Variants in SPECC1 observed in about 807,000 individuals in gnomAD.
SPECC1 encodes the protein sperm antigen with calponin homology and coiled-coil domains 1.
In SPECC1, 62 loss-of-function variants were observed where a neutral mutation model predicts 104.1. The observed-to-expected ratio is 0.60, with a 90% CI of 0.49 to 0.74. SPECC1 has a LOEUF of 0.74. Ranked by LOEUF, SPECC1 falls within the 30% of genes least tolerant of loss-of-function variation. SPECC1 has a pLI of 0.00. For missense variants in SPECC1, 1,306 were observed against 1,310.5 expected, an observed-to-expected ratio of 1.00 and a Z score of 0.05; for synonymous variants, 513 against 501.6, an observed-to-expected ratio of 1.02 and a Z score of -0.30.
intron 3 of SPECC1, among the ~76,000 whole-genome samples, chr17:20,171,308 C>T (rs1029493591): frequency 1.3e-5 from 2 of 152,198 alleles, no homozygotes; most frequent in East Asian, 1.9e-4. Context: ...ACTTCCCTGA[C>T]AGCCTGTGCT....
At position 20,156,134 on chromosome 17, in the gene SPECC1, G is replaced by GC. The variant is rs568894066; in HGVS notation, c.283+45573dup. The GC allele has an allele frequency of 7.3e-5, 102 of 1,393,512 alleles. No individual in the cohort carries two copies. The African/African-American group carries it at 1.2e-3, about 17-fold the overall frequency. 86.3% of individuals were successfully genotyped at this position (1,393,512 alleles called of 1,614,324 possible). ...GCCTCGCCAGCCGGAGCCAGCGCGA[G>GC]CTCGGCACGGTGGACACCCGGTCCG... On this transcript the variant is annotated intron_variant, in intron 3 of 14. Coordinates refer to ENST00000395527, the MANE Select transcript of SPECC1 (RefSeq NM_001243439.2).
intron 3 of SPECC1, among the ~76,000 whole-genome samples, chr17:20,186,758 T>G (rs1446244650): frequency 6.6e-6 from 1 of 151,832 alleles, no homozygotes; most frequent in East Asian, 1.9e-4. Context: ...TAGAGATGGG[T>G]GTCTCACTAT....
intron 3 of SPECC1, among the ~76,000 whole-genome samples, 191 bp downstream of exon 3, chr17:20,110,753 G>T (rs533641652): frequency 6.6e-6 from 1 of 152,222 alleles, no homozygotes; most frequent in South Asian, 2.1e-4. Flanking sequence ...TGGGGAGACC[G>T]ATGAGAAGCA....
At chr17:20,237,064 A>G (rs2038959281) in intron 7 of SPECC1, 1 of 1,457,660 alleles carries the variant, frequency 6.9e-7, no homozygotes, top group Non-Finnish European at 9.0e-7. Flanking sequence ...TTTTGTCCAC[A>G]TTTTGGGATC....
intron 1 of SPECC1, among the ~76,000 whole-genome samples, chr17:20,091,584 T>G (rs544787179): frequency 3.2e-4 from 49 of 152,334 alleles, no homozygotes; most frequent in African/African-American, 1.2e-3. Flanking sequence ...CCATTGGGCT[T>G]AGAACTACTA....
intron 12 of SPECC1, among the ~76,000 whole-genome samples, chr17:20,270,432 C>T (rs2040362903): frequency 2.3e-5 from 1 of 43,064 alleles, no homozygotes; most frequent in Non-Finnish European, 4.2e-5. Context: ...CCTGTCTTTA[C>T]CAAAAAAAAA....
At chr17:20,245,782 G>T in intron 7 of SPECC1, 144 bp from the exon 8 acceptor site, 1 of 942,868 alleles carries the variant, frequency 1.1e-6, no homozygotes, top group Non-Finnish European at 1.5e-6. Flanking sequence ...GATGCAAACT[G>T]GTAGAGAAAA....
chr17:20,297,031 A>T lies in SPECC1; in HGVS notation c.3011A>T (p.Tyr1004Phe), dbSNP rs149445793. The T allele has an allele frequency of 6.2e-7, 1 of 1,613,976 alleles. No individual in the cohort carries two copies. ...GCCTTCTGTGCTCTGCTCCACACCT[A>T]CCTGCCTGCCCACATCCCCTACCAG... is the stretch of plus-strand genomic sequence containing the variant. ...GLAFCALLHT[Y>F]LPAHIPYQEL... Residue 1004 changes from tyrosine to phenylalanine, a missense_variant, in exon 13 of 15, where the codon TAC becomes TTC. By Grantham distance (22) the Tyr-to-Phe change is conservative. Coordinates refer to ENST00000395527, the MANE Select transcript of SPECC1 (RefSeq NM_001243439.2).
At chr17:20,105,487 A>C (rs566637995) in intron 2 of SPECC1, among the ~76,000 whole-genome samples, 4 of 152,074 alleles carry the variant, frequency 2.6e-5, no homozygotes. Context: ...GGAACCTCCT[A>C]TATAGAGATC....
At chr17:20,302,863 A>G (rs2041633807) in intron 13 of SPECC1, among the ~76,000 whole-genome samples, 1 of 135,566 alleles carries the variant, frequency 7.4e-6, no homozygotes, top group African/African-American at 2.9e-5. Context: ...TTGAGGCTGC[A>G]GTAGTGAGCC....
intron 6 of SPECC1, 81 bp from the exon 7 acceptor site, chr17:20,232,119 C>G: frequency 1.3e-6 from 2 of 1,525,708 alleles, no homozygotes; most frequent in Non-Finnish European, 1.8e-6. Context: ...TCTTGGTGAC[C>G]AACACGGGGA....
intron 3 of SPECC1, among the ~76,000 whole-genome samples, chr17:20,137,153 A>G (rs973045627): frequency 2.6e-5 from 4 of 152,096 alleles, no homozygotes; most frequent in Non-Finnish European, 5.9e-5. Context: ...CGTGTGCCCT[A>G]TTTTCAGTTT....
chr17:20,296,313 C>G (rs2142024471), intron 12 of SPECC1, among the ~76,000 whole-genome samples: 1 of 152,292 alleles, frequency 6.6e-6, no homozygotes, highest in African/African-American at 2.4e-5. Flanking sequence ...TCAGGTTTGT[C>G]AAAGATCAGA....
chr17:20,213,160 C>T (rs941174612), intron 4 of SPECC1, among the ~76,000 whole-genome samples: 8 of 151,782 alleles, frequency 5.3e-5, no homozygotes, highest in African/African-American at 9.7e-5. Context: ...TACAGTGGTG[C>T]GATCATAGCT....
intron 1 of SPECC1, among the ~76,000 whole-genome samples, chr17:20,053,325 A>G (rs2152463256): frequency 6.6e-6 from 1 of 152,308 alleles, no homozygotes; most frequent in South Asian, 2.1e-4. Flanking sequence ...GGGTATGTTC[A>G]TTGCCTGTTG....
chr17:20,153,544 A>T (rs2032201995), intron 3 of SPECC1, among the ~76,000 whole-genome samples: 2 of 152,232 alleles, frequency 1.3e-5, no homozygotes, highest in Non-Finnish European at 2.9e-5. Context: ...AGATGCAGCA[A>T]AGACAAGAGA....
intron 3 of SPECC1, among the ~76,000 whole-genome samples, chr17:20,190,508 G>A (rs1006236771): frequency 1.3e-5 from 2 of 152,196 alleles, no homozygotes; most frequent in South Asian, 2.1e-4. Flanking sequence ...TTAAAGAGCA[G>A]TTTTAGGCAC....
chr17:20,246,021 CG>C lies in SPECC1; in HGVS notation c.2449del (p.Ala817GlnfsTer33), dbSNP rs1567980486. The C allele has an allele frequency of 1.2e-6, 2 of 1,614,190 alleles. No individual in the cohort carries two copies. Among genetic ancestry groups the C allele is most frequent in the South Asian group, 2.2e-5 (2 of 91,076 alleles). On this transcript the variant is annotated frameshift_variant, in exon 8 of 15. Coordinates refer to ENST00000395527, the MANE Select transcript of SPECC1 (RefSeq NM_001243439.2). LOFTEE classifies it high-confidence loss of function. ...AGAACATCTCCAACACCCCCAGAGT[CG>C]GCAACCACCGTTAAGTCACTTATCA... ...VSRTSPTPPE[S>X]ATTVKSLIKS... is the part of the protein sequence containing the mutation.
chr17:20,246,088 T>C lies in SPECC1; in HGVS notation c.2497+17T>C, dbSNP rs200379910. 123 of 1,612,780 alleles carry C rather than the reference T, an allele frequency of 7.6e-5. 1 individual carries two copies. The African/African-American group carries it at 1.5e-3, about 20-fold the overall frequency. ...GACGCCCAGGTATTTAATCATTTTTTCTATAAGCAAAGCTCCAAATTCAAA... is the reference window on the plus strand; with the variant it reads ...GACGCCCAGGTATTTAATCATTTTTCCTATAAGCAAAGCTCCAAATTCAAA... On this transcript the variant is annotated intron_variant, in intron 8 of 14. Coordinates refer to ENST00000395527, the MANE Select transcript of SPECC1 (RefSeq NM_001243439.2).
Sources: allele counts gnomAD v4.1 joint callset (sites outside exome capture counted in the v4.1 genomes callset), GRCh38; gene constraint gnomAD v4.1.1; transcripts MANE v1.5; gene names NCBI Gene and HGNC (gene_info 2026-07-23, HGNC 2026-07-21).